Variants in ATRNL1 observed in about 807,000 individuals in gnomAD.
The protein encoded by ATRNL1 is attractin-like protein 1.
ATRNL1 carries 95 observed loss-of-function variants against 182.7 expected under a neutral mutation model. The observed-to-expected ratio is 0.52, with a 90% CI of 0.44 to 0.62. The LOEUF is 0.62. ATRNL1 is among the 20% of genes least tolerant of loss of function. ATRNL1 has a pLI of 0.00. For synonymous variants in ATRNL1, 576 were observed against 568.3 expected, an observed-to-expected ratio of 1.01 and a Z score of -0.19; for missense variants, 1,471 against 1,679.5, an observed-to-expected ratio of 0.88 and a Z score of 2.17.
At chr10:115,492,644 AT>A (rs10677710) in intron 24 of ATRNL1, among the ~76,000 whole-genome samples, 1,718 of 121,794 alleles carry the variant, frequency 0.014, 22 homozygotes, top group East Asian at 0.086. Flanking sequence ...TACTAAAGTG[AT>A]TTTTTTTTTT....
At chr10:115,647,829 G>T (rs565655580) in intron 26 of ATRNL1, among the ~76,000 whole-genome samples, 59 of 152,278 alleles carry the variant, frequency 3.9e-4, no homozygotes, top group African/African-American at 1.1e-3. Context: ...TTTGGCTTTT[G>T]TTGCCATTGC....
intron 26 of ATRNL1, among the ~76,000 whole-genome samples, chr10:115,563,690 T>C (rs1426621391): frequency 6.6e-6 from 1 of 152,180 alleles, no homozygotes; most frequent in Non-Finnish European, 1.5e-5. Context: ...TAACAATACA[T>C]AGTTGTCTTA....
At chr10:115,338,480 A>AT (rs142512178) in intron 19 of ATRNL1, among the ~76,000 whole-genome samples, 281 of 152,270 alleles carry the variant, frequency 1.8e-3, no homozygotes, top group African/African-American at 6.4e-3. Flanking sequence ...ATGATCCATG[A>AT]TTTTGAGCAC....
At chr10:115,774,123 G>A (rs150335409) in intron 27 of ATRNL1, among the ~76,000 whole-genome samples, 42 of 152,138 alleles carry the variant, frequency 2.8e-4, no homozygotes, top group Non-Finnish European at 4.6e-4. Flanking sequence ...AGCCCCAGGT[G>A]TGGAGTTAGG....
At chr10:115,136,961 A>G (rs1554876824) in intron 5 of ATRNL1, among the ~76,000 whole-genome samples, 2 of 152,240 alleles carry the variant, frequency 1.3e-5, no homozygotes, top group African/African-American at 4.8e-5. Context: ...ACATTGGGAT[A>G]GAAGAGCAAT....
At chr10:115,701,098 C>T (rs907603354) in intron 26 of ATRNL1, among the ~76,000 whole-genome samples, 5 of 152,012 alleles carry the variant, frequency 3.3e-5, no homozygotes, top group Non-Finnish European at 7.4e-5. Flanking sequence ...GAAAATATAA[C>T]AACCATACCC....
rs1554873921 is a variant in ATRNL1, at chr10:115,127,688, C to T, written c.587C>T (p.Ala196Val). ...CTGTTACATTTTTTTAGTGATGCTG[C>T]GTATAATCTAACTGGTTTCAACATT... ...YALLHFFSDA[A>V]YNLTGFNIFY... Residue 196 changes from alanine to valine, a missense_variant, in exon 4 of 29, where the codon GCG becomes GTG. This residue lies in a region of ATRNL1 where 1,031 missense variants were observed against 1,156.0 expected (regional missense o/e 0.89). Coordinates refer to ENST00000355044, the MANE Select transcript of ATRNL1 (RefSeq NM_207303.4). 10 of 1,542,492 alleles carry T rather than the reference C, an allele frequency of 6.5e-6. No homozygotes were observed. Among genetic ancestry groups the T allele is most frequent in the Non-Finnish European group, 7.8e-6 (9 of 1,148,976 alleles).
chr10:115,494,337 G>T (rs548007104), intron 24 of ATRNL1, among the ~76,000 whole-genome samples: 1 of 152,192 alleles, frequency 6.6e-6, no homozygotes, highest in East Asian at 1.9e-4. Context: ...CCTTTCTCTT[G>T]CCTGATTGCT....
chr10:115,182,972 G>A (rs12573443), intron 8 of ATRNL1, among the ~76,000 whole-genome samples: 34,321 of 151,200 alleles, frequency 0.23, 5,018 homozygotes, highest in Non-Finnish European at 0.33. Flanking sequence ...GATGTATAGC[G>A]AACAATACAG....
chr10:115,275,085 A>G (rs1017723980), intron 13 of ATRNL1, among the ~76,000 whole-genome samples: 1 of 152,128 alleles, frequency 6.6e-6, no homozygotes, highest in South Asian at 2.1e-4. Flanking sequence ...CCATTTTTCT[A>G]CATAGAGGCT....
At chr10:115,434,349 G>C (rs1378095212) in intron 21 of ATRNL1, among the ~76,000 whole-genome samples, 1 of 151,996 alleles carries the variant, frequency 6.6e-6, no homozygotes, top group Non-Finnish European at 1.5e-5. Flanking sequence ...CTTTTTATAT[G>C]TATTAGCTTA....
At chr10:115,847,063 T>A (rs1483530460) in intron 27 of ATRNL1, among the ~76,000 whole-genome samples, 1 of 152,114 alleles carries the variant, frequency 6.6e-6, no homozygotes, top group Non-Finnish European at 1.5e-5. Flanking sequence ...AAGTTATCTA[T>A]ACAAGTGCAT....
chr10:115,368,126 C>T (rs1048271327), intron 19 of ATRNL1, among the ~76,000 whole-genome samples: 33 of 152,310 alleles, frequency 2.2e-4, no homozygotes, highest in African/African-American at 6.0e-4. Context: ...CCCCCAGGCT[C>T]GCTGCTGCCT....
chr10:115,419,463 T>C (rs1197724554), intron 20 of ATRNL1, among the ~76,000 whole-genome samples: 1 of 152,192 alleles, frequency 6.6e-6, no homozygotes, highest in Non-Finnish European at 1.5e-5. Context: ...TGGTTGAAAT[T>C]ATTCAGTTAA....
At chr10:115,177,895 G>T (rs797028289) in intron 8 of ATRNL1, among the ~76,000 whole-genome samples, 203 of 96,000 alleles carry the variant, frequency 2.1e-3, no homozygotes, top group Middle Eastern at 0.012. Flanking sequence ...TTTTGGTTTT[G>T]TTTTTTTGTT....
At chr10:115,549,574 T>A in intron 26 of ATRNL1, 38 bp downstream of exon 26, 1 of 1,410,314 alleles carries the variant, frequency 7.1e-7, no homozygotes, top group Non-Finnish European at 9.7e-7. Context: ...TTTAAAGATT[T>A]AAGCAAATAT....
At chr10:115,117,712 T>C (rs147630247) in intron 1 of ATRNL1, among the ~76,000 whole-genome samples, 1,786 of 152,248 alleles carry the variant, frequency 0.012, 33 homozygotes, top group African/African-American at 0.04. Flanking sequence ...TTTGGGTATA[T>C]ACCCAACAGT....
At chr10:115,609,719 A>G (rs1287584171) in intron 26 of ATRNL1, among the ~76,000 whole-genome samples, 1 of 152,120 alleles carries the variant, frequency 6.6e-6, no homozygotes, top group Non-Finnish European at 1.5e-5. Context: ...GAAGCAGGGG[A>G]TAAAATCTCA....
chr10:115,292,731 A>G (rs1320546969), intron 15 of ATRNL1, among the ~76,000 whole-genome samples: 5 of 152,044 alleles, frequency 3.3e-5, no homozygotes, highest in South Asian at 2.1e-4. Context: ...GATAGTTGGT[A>G]TGATTTTGAT....
Sources: gnomAD v4.1 joint callset for allele counts (sites outside exome capture counted in the v4.1 genomes callset) on GRCh38, gnomAD v4.1.1 for gene constraint, gnomAD v4.1.1 regional missense constraint, MANE v1.5 for transcripts, NCBI Gene and HGNC (gene_info 2026-07-23, HGNC 2026-07-21) for gene names.